Variants in TANC2 observed in about 807,000 individuals in gnomAD.
The protein encoded by TANC2 is protein TANC2.
Under a neutral mutation model 210.5 loss-of-function variants are expected in TANC2, and 26 were observed. That is an observed-to-expected ratio of 0.12 (90% CI 0.09 to 0.17). The LOEUF (loss-of-function observed/expected upper bound fraction) is 0.17. Ranked by LOEUF, TANC2 falls within the 10% of genes least tolerant of loss-of-function variation. The pLI is 1.00. For missense variants in TANC2, 2,129 were observed against 2,608.9 expected, an observed-to-expected ratio of 0.82 and a Z score of 4.01; for synonymous variants, 931 against 967.1, an observed-to-expected ratio of 0.96 and a Z score of 0.69.
chr17:63,222,685 A>G (rs1336270262), intron 7 of TANC2, among the ~76,000 whole-genome samples: 2 of 151,818 alleles, frequency 1.3e-5, no homozygotes, highest in African/African-American at 4.8e-5. Flanking sequence ...TATGAATCTT[A>G]TTGTATGTAA....
intron 5 of TANC2, among the ~76,000 whole-genome samples, chr17:63,184,117 A>AGTT (rs1388979411): frequency 6.6e-6 from 1 of 152,194 alleles, no homozygotes; most frequent in Non-Finnish European, 1.5e-5. Flanking sequence ...AAAACATAAC[A>AGTT]TATTTCATAT....
intron 1 of TANC2, among the ~76,000 whole-genome samples, chr17:62,997,536 C>T (rs992166700): frequency 2.0e-5 from 3 of 152,014 alleles, no homozygotes; most frequent in Admixed American, 6.6e-5. Flanking sequence ...AGGTCATATC[C>T]AAATTATTAT....
chr17:63,044,977 A>C (rs1381184085), intron 2 of TANC2, among the ~76,000 whole-genome samples: 1 of 152,186 alleles, frequency 6.6e-6, no homozygotes, highest in Non-Finnish European at 1.5e-5. Context: ...AGGTTCAGCA[A>C]ACTGTAGCCC....
At chr17:63,250,347 A>G (rs2043024612) in intron 8 of TANC2, among the ~76,000 whole-genome samples, 1 of 152,048 alleles carries the variant, frequency 6.6e-6, no homozygotes, top group Non-Finnish European at 1.5e-5. Context: ...AGTGTTGCCC[A>G]GATTGGTCTC....
intron 2 of TANC2, among the ~76,000 whole-genome samples, chr17:63,032,270 T>C (rs1037758296): frequency 8.5e-5 from 13 of 152,108 alleles, no homozygotes; most frequent in Non-Finnish European, 1.6e-4. Flanking sequence ...TCCGGTCTTA[T>C]TTAGGTCTGG....
chr17:63,064,529 T>G lies in TANC2; in HGVS notation c.68-9414T>G, dbSNP rs144117776. Among the ~76,000 whole-genome samples, 371 of 152,332 alleles carry G rather than the reference T, an allele frequency of 2.4e-3. 11 individuals carry two copies. Among genetic ancestry groups the G allele is most frequent in the Admixed American group, 0.022 (331 of 15,298 alleles). On this transcript the variant is annotated intron_variant, in intron 2 of 27. Coordinates refer to ENST00000689528, the Ensembl canonical transcript of TANC2. ...ACTAGGAGACTCTCAGAATTACTTTTAAAGTATCTCTTAATCTCTTAAGCT... is the reference window on the plus strand; with the variant it reads ...ACTAGGAGACTCTCAGAATTACTTTGAAAGTATCTCTTAATCTCTTAAGCT...
chr17:63,030,841 A>G (rs557543330), intron 2 of TANC2, among the ~76,000 whole-genome samples: 68 of 145,038 alleles, frequency 4.7e-4, no homozygotes, highest in African/African-American at 1.8e-3. Flanking sequence ...GTTTTTTTTA[A>G]TCTTAAAAAT....
chr17:62,971,936 G>A (rs940593241), intron 1 of TANC2, among the ~76,000 whole-genome samples: 7 of 152,138 alleles, frequency 4.6e-5, no homozygotes, highest in Admixed American at 1.3e-4. Flanking sequence ...CTGGAAAAAC[G>A]TCCCTGTTGC....
chr17:63,397,164 A>T (rs1416630564), intron 18 of TANC2, among the ~76,000 whole-genome samples: 1 of 151,924 alleles, frequency 6.6e-6, no homozygotes, highest in Non-Finnish European at 1.5e-5. Context: ...AATCCCAGCT[A>T]CTCGGGAGGC....
chr17:63,297,867 A>G lies in TANC2; in HGVS notation c.1160-16521A>G, dbSNP rs189734012. Among the ~76,000 whole-genome samples, 175 of 152,292 alleles carry G rather than the reference A, an allele frequency of 1.1e-3. 1 individual carries two copies. Among genetic ancestry groups the G allele is most frequent in the African/African-American group, 3.6e-3 (150 of 41,580 alleles). On this transcript the variant is annotated intron_variant, in intron 9 of 27. Transcript: ENST00000689528. ...AAAAAAACTCCTACAAGTCAACAAC[A>G]AAAAGACAACCCAATTTAAAAATGA...
At chr17:63,330,330 CAGA>C (rs1354201959) in intron 11 of TANC2, among the ~76,000 whole-genome samples, 8 of 152,166 alleles carry the variant, frequency 5.3e-5, no homozygotes, top group African/African-American at 1.9e-4. Flanking sequence ...GCAAGTTATC[CAGA>C]AGATCCAGCT....
At chr17:63,244,279 A>C (rs535654538) in intron 8 of TANC2, among the ~76,000 whole-genome samples, 2 of 152,310 alleles carry the variant, frequency 1.3e-5, no homozygotes, top group South Asian at 4.1e-4. Flanking sequence ...TTTTGCTGTG[A>C]CTGGACTATT....
intron 5 of TANC2, among the ~76,000 whole-genome samples, chr17:63,167,643 A>G (rs538015137): frequency 6.6e-6 from 1 of 152,210 alleles, no homozygotes; most frequent in African/African-American, 2.4e-5. Context: ...TAAATAAATA[A>G]AACATTTAGG....
intron 2 of TANC2, among the ~76,000 whole-genome samples, chr17:63,015,467 C>T (rs768602412): frequency 3.9e-5 from 6 of 152,036 alleles, no homozygotes; most frequent in Admixed American, 2.6e-4. Flanking sequence ...TCCCTCCCCC[C>T]GCTTCCCACC....
exon 4 of TANC2, chr17:63,099,264 A>C (rs2037531304): frequency 6.2e-7 from 1 of 1,605,406 alleles, no homozygotes; most frequent in South Asian, 1.1e-5. Flanking sequence ...GCACATTCGG[A>C]TTATGGAGGG....
At chr17:63,274,944 G>A (rs994178226) in intron 9 of TANC2, among the ~76,000 whole-genome samples, 4 of 152,170 alleles carry the variant, frequency 2.6e-5, no homozygotes, top group Admixed American at 1.3e-4. Context: ...CTCTCATTCC[G>A]CAGAGAAAGA....
intron 4 of TANC2, among the ~76,000 whole-genome samples, chr17:63,104,113 G>A (rs78638728): frequency 0.064 from 9,804 of 152,148 alleles, 397 homozygotes; most frequent in African/African-American, 0.12. Flanking sequence ...AAAAGATACA[G>A]CCAAATGGTT....
intron 5 of TANC2, 179 bp downstream of exon 5, chr17:63,151,559 C>G (rs992862035): frequency 6.4e-6 from 1 of 155,824 alleles, no homozygotes; most frequent in South Asian, 2.1e-4. Context: ...GACTTTGATA[C>G]AATAATGAGA....
At chr17:63,360,467 A>G (rs1463266737) in intron 14 of TANC2, among the ~76,000 whole-genome samples, 2 of 152,166 alleles carry the variant, frequency 1.3e-5, no homozygotes, top group Non-Finnish European at 2.9e-5. Flanking sequence ...TTTTATTCAC[A>G]CTTTCAATTT....
Sources: gnomAD v4.1 joint callset for allele counts (sites outside exome capture counted in the v4.1 genomes callset) on GRCh38, gnomAD v4.1.1 for gene constraint, MANE v1.5 for transcripts, NCBI Gene and HGNC (gene_info 2026-07-23, HGNC 2026-07-21) for gene names.